SETD7: variants seen among roughly 807,000 people sequenced by gnomAD.
SETD7 encodes SET domain containing 7, histone lysine methyltransferase.
A neutral mutation model predicts 41.8 loss-of-function variants in SETD7; 16 were observed. That is an observed-to-expected ratio of 0.38 (90% CI 0.26 to 0.58). The LOEUF (loss-of-function observed/expected upper bound fraction) is 0.58. SETD7 is among the 20% of genes least tolerant of loss of function. SETD7 has a pLI of 0.64. For synonymous variants in SETD7, 163 were observed against 169.7 expected (o/e 0.96, Z 0.31); for missense variants, 346 against 459.7 (o/e 0.75, Z 2.26).
intron 1 of SETD7, 111 bp from the exon 2 acceptor site, chr4:139,547,160 C>G: frequency 1.2e-5 from 16 of 1,385,028 alleles, no homozygotes; most frequent in Non-Finnish European, 1.6e-5. Flanking sequence ...TCCCCTCCAG[C>G]TGCCAAAGGG....
In SETD7 at chr4:139,547,025, G is replaced by T; in HGVS notation, c.65C>A (p.Pro22Gln). The change falls in exon 2 of 8, where the codon CCG becomes CAG. Residue 22 changes from proline to glutamine, a missense_variant. Pro to Gln is a moderately conservative substitution (Grantham distance 76). Coordinates refer to ENST00000274031, the MANE Select transcript of SETD7 (RefSeq NM_030648.4). ...VEGHLDDDGL[P>Q]HGFCTVTYSS... ...GTAGGTGACTGTGCAGAACCCGTGCGGTAATCCGTCATCGTCCAGGTGCCC... is the reference window on the plus strand; with the variant it reads ...GTAGGTGACTGTGCAGAACCCGTGCTGTAATCCGTCATCGTCCAGGTGCCC... 6.2e-7 allele frequency: 1 copy of T among 1,614,048 alleles called. No individual in the cohort carries two copies. The highest frequency in any genetic ancestry group is 8.5e-7 in the Non-Finnish European group (1 of 1,180,012).
At chr4:139,496,724 G>A (rs1319992479) in intron 7 of SETD7, among the ~76,000 whole-genome samples, 1 of 152,124 alleles carries the variant, frequency 6.6e-6, no homozygotes, top group Non-Finnish European at 1.5e-5. Flanking sequence ...TGTTCCACGG[G>A]GACTGTGTTA....
chr4:139,530,829 T>G (rs1459871026), intron 3 of SETD7, among the ~76,000 whole-genome samples: 1 of 152,222 alleles, frequency 6.6e-6, no homozygotes, highest in African/African-American at 2.4e-5. Flanking sequence ...GAAAAACTTT[T>G]TCGAGGTAAA....
At chr4:139,545,859 T>C (rs1428583873) in intron 2 of SETD7, among the ~76,000 whole-genome samples, 1 of 152,200 alleles carries the variant, frequency 6.6e-6, no homozygotes, top group East Asian at 1.9e-4. Flanking sequence ...TCCTATAACC[T>C]GCTTTGGTGA....
At chr4:139,512,906 T>C (rs6839305) in intron 7 of SETD7, among the ~76,000 whole-genome samples, 143,234 of 151,482 alleles carry the variant, frequency 0.95, 68,216 homozygotes, top group East Asian at 1. Flanking sequence ...TACAGGTGTG[T>C]GCTACCATGG....
At chr4:139,542,152 C>G (rs1174477752) in intron 2 of SETD7, among the ~76,000 whole-genome samples, 1 of 152,146 alleles carries the variant, frequency 6.6e-6, no homozygotes, top group Non-Finnish European at 1.5e-5. Flanking sequence ...AGGACAAATA[C>G]CGCATGATCT....
Position 139,555,610 on chromosome 4 carries a change from C to A in SETD7, c.40+488G>T, listed in dbSNP as rs1413181154. ...CCCGTGCGCTGCGCCGGGGGACCTA[C>A]CCGGACGGGGCCGCGGCCGCCGCGG... On this transcript the variant is annotated intron_variant, in intron 1 of 7. Coordinates refer to ENST00000274031, the MANE Select transcript of SETD7 (RefSeq NM_030648.4). The surrounding 1 kb of genome is among the most constrained non-coding windows in gnomAD (Gnocchi z 4.0). Among the ~76,000 whole-genome samples the A allele has an allele frequency of 2.0e-5, 3 of 152,036 alleles. No homozygotes were observed. The highest frequency in any genetic ancestry group is 4.4e-5 in the Non-Finnish European group (3 of 67,968).
At chr4:139,536,179 C>T (rs1727631008) in intron 2 of SETD7, among the ~76,000 whole-genome samples, 1 of 152,178 alleles carries the variant, frequency 6.6e-6, no homozygotes, top group Admixed American at 6.5e-5. Flanking sequence ...CTAATCCCTG[C>T]TCTAAAAAGC....
intron 7 of SETD7, among the ~76,000 whole-genome samples, chr4:139,512,752 C>CTTTTTTTTTTTTTT (rs140570195): frequency 1.3e-5 from 1 of 75,528 alleles, no homozygotes; most frequent in Non-Finnish European, 2.5e-5. Context: ...TTTTCTTATT[C>CTTTTTTTTTTTTTT]TTTTTTTTTT....
At chr4:139,551,945 A>G (rs1728120506) in intron 1 of SETD7, among the ~76,000 whole-genome samples, 1 of 152,226 alleles carries the variant, frequency 6.6e-6, no homozygotes. Flanking sequence ...GATGCATTCA[A>G]TCACCAACTC....
At chr4:139,551,066 A>G (rs1728096635) in intron 1 of SETD7, among the ~76,000 whole-genome samples, 1 of 152,234 alleles carries the variant, frequency 6.6e-6, no homozygotes, top group Non-Finnish European at 1.5e-5. Flanking sequence ...CTGGCAGGGA[A>G]GTGGAAGAAG....
At chr4:139,496,919 A>G (rs1726467196) in intron 7 of SETD7, among the ~76,000 whole-genome samples, 1 of 50,416 alleles carries the variant, frequency 2.0e-5, no homozygotes, top group African/African-American at 5.0e-5. Context: ...GAGTGCTATA[A>G]TAATTCTGAT....
At chr4:139,498,963 TA>T (rs1193225871) in intron 7 of SETD7, among the ~76,000 whole-genome samples, 1 of 152,024 alleles carries the variant, frequency 6.6e-6, no homozygotes, top group Non-Finnish European at 1.5e-5. Flanking sequence ...ATACAAAAAT[TA>T]GGCATGATAA....
At chr4:139,498,715 G>T (rs1560669635) in intron 7 of SETD7, among the ~76,000 whole-genome samples, 9 of 152,178 alleles carry the variant, frequency 5.9e-5, no homozygotes, top group Admixed American at 5.9e-4. Flanking sequence ...CCCAGAGGCT[G>T]CCTATAGACC....
At chr4:139,552,748 A>T (rs1301836896) in intron 1 of SETD7, among the ~76,000 whole-genome samples, 5 of 151,974 alleles carry the variant, frequency 3.3e-5, no homozygotes, top group African/African-American at 1.2e-4. Flanking sequence ...TCTCAACCTG[A>T]CTCAGCTCTA....
chr4:139,556,149 A>C lies in SETD7; in HGVS notation c.-12T>G. ...TCGTCGCTATCCATGGCGGCTGGGG[A>C]CACTGCCCAGCTCGGGGCTGCGCGG... On this transcript the variant is annotated 5_prime_UTR_variant, in exon 1 of 8. Transcript: ENST00000274031. 1 of 1,594,650 alleles carries C rather than the reference A, an allele frequency of 6.3e-7. No individual in the cohort carries two copies. Among genetic ancestry groups the C allele is most frequent in the Non-Finnish European group, 8.5e-7 (1 of 1,171,482 alleles).
At chr4:139,501,832 C>T (rs1404052686), downstream of SETD7, among the ~76,000 whole-genome samples, 3 of 152,090 alleles carry the variant, frequency 2.0e-5, no homozygotes, top group Admixed American at 6.5e-5. Context: ...GGCAGGGCAG[C>T]GGAGACACGG....
chr4:139,493,118 G>A (rs72726554), downstream of SETD7, among the ~76,000 whole-genome samples: 5,103 of 152,344 alleles, frequency 0.033, 134 homozygotes, highest in Middle Eastern at 0.075. Context: ...TACAGTGTTA[G>A]AAGACAGAGG....
At chr4:139,548,257 A>G (rs1198999949) in intron 1 of SETD7, 1 of 152,278 alleles carries the variant, frequency 6.6e-6, no homozygotes, top group African/African-American at 2.4e-5. Context: ...TGAAAGCTTT[A>G]GTCTCCTCAA....
Sources: gnomAD v4.1 joint callset for allele counts (sites outside exome capture counted in the v4.1 genomes callset) on GRCh38, gnomAD v4.1.1 for gene constraint, Gnocchi (gnomAD v3.1) non-coding constraint, MANE v1.5 for transcripts, NCBI Gene and HGNC (gene_info 2026-07-23, HGNC 2026-07-21) for gene names.